The following MMP16 variants were observed in gnomAD, a reference collection of about 807,000 sequenced individuals.
MMP16 encodes matrix metalloproteinase-16.
In MMP16, 12 loss-of-function variants were observed where a neutral mutation model predicts 67.8. That is an observed-to-expected ratio of 0.18 (90% confidence interval 0.11 to 0.29). MMP16 has a LOEUF of 0.29. Ranked by LOEUF, MMP16 falls within the 10% of genes least tolerant of loss-of-function variation. MMP16 has a pLI of 1.00. For synonymous variants in MMP16, 249 were observed against 255.9 expected (o/e 0.97, Z 0.26); for missense variants, 475 against 765.7 (o/e 0.62, Z 4.48).
At chr8:88,187,781 A>G (rs943023849) in intron 2 of MMP16, among the ~76,000 whole-genome samples, 3 of 152,222 alleles carry the variant, frequency 2.0e-5, no homozygotes, top group Non-Finnish European at 4.4e-5. Flanking sequence ...GAAAACATTA[A>G]AAGATTCTGC....
chr8:88,325,364 C>T (rs940426641), intron 1 of MMP16, among the ~76,000 whole-genome samples: 17 of 152,130 alleles, frequency 1.1e-4, no homozygotes, highest in African/African-American at 4.1e-4. Flanking sequence ...TTTCCTAAAG[C>T]AGGTAACCAT....
In MMP16 at chr8:88,327,126, A is replaced by G; in HGVS notation, c.81T>C (p.Leu27=). 6.2e-7 allele frequency: 1 copy of G among 1,614,036 alleles called. No homozygotes were observed. The highest frequency in any genetic ancestry group is 8.5e-7 in the Non-Finnish European group (1 of 1,179,998). ...CGCAGACTGTAGCACATAAAATCCA[A>G]AGCAAGGTTTGCAAGAAAAACACCC... ...HSGVFFLQTL[L]WILCATVCGT... is the part of the protein sequence containing the mutation. The change falls in exon 1 of 10, where the codon CTT becomes CTC. Residue 27 remains leucine (L), a synonymous_variant. Coordinates refer to ENST00000286614, the MANE Select transcript of MMP16 (RefSeq NM_005941.5).
chr8:88,238,030 C>T (rs1809971885), intron 1 of MMP16, among the ~76,000 whole-genome samples: 1 of 152,156 alleles, frequency 6.6e-6, no homozygotes, highest in Non-Finnish European at 1.5e-5. Context: ...AGAAAAATTA[C>T]TTATAAAGTG....
At chr8:88,220,664 T>A (rs1809667758) in intron 1 of MMP16, among the ~76,000 whole-genome samples, 1 of 152,042 alleles carries the variant, frequency 6.6e-6, no homozygotes, top group African/African-American at 2.4e-5. Flanking sequence ...CTTAGAGACA[T>A]AATTATCTGT....
chr8:88,284,689 G>A (rs561574900), intron 1 of MMP16, among the ~76,000 whole-genome samples: 2 of 152,264 alleles, frequency 1.3e-5, no homozygotes, highest in Admixed American at 6.5e-5. Context: ...TACTCACCAT[G>A]TACACATTCG....
chr8:88,098,470 C>T (rs766091518), intron 6 of MMP16, among the ~76,000 whole-genome samples: 8 of 151,952 alleles, frequency 5.3e-5, no homozygotes, highest in Non-Finnish European at 1.0e-4. Context: ...GTGTCATCAG[C>T]CCCTTCCCTA....
At chr8:88,104,335 T>C (rs1398711572) in intron 6 of MMP16, among the ~76,000 whole-genome samples, 2 of 151,736 alleles carry the variant, frequency 1.3e-5, no homozygotes, top group African/African-American at 4.8e-5. Context: ...GTTTCATATA[T>C]TCTTCATAAT....
chr8:88,235,526 G>A (rs1809927134), intron 1 of MMP16, among the ~76,000 whole-genome samples: 1 of 152,052 alleles, frequency 6.6e-6, no homozygotes, highest in Non-Finnish European at 1.5e-5. Flanking sequence ...ATAGTACAGG[G>A]TTTGATTTTG....
chr8:88,212,157 G>A (rs1809522627), intron 1 of MMP16, among the ~76,000 whole-genome samples: 2 of 151,340 alleles, frequency 1.3e-5, no homozygotes, highest in African/African-American at 4.9e-5. Flanking sequence ...TAGATGGCTT[G>A]CTGAATAATT....
chr8:88,316,292 T>C (rs931993594), intron 1 of MMP16, among the ~76,000 whole-genome samples: 2 of 152,120 alleles, frequency 1.3e-5, no homozygotes, highest in African/African-American at 2.4e-5. Context: ...CAGCCTTATA[T>C]TGGAAGAAGA....
intron 1 of MMP16, among the ~76,000 whole-genome samples, chr8:88,296,959 T>A (rs749580631): frequency 9.9e-5 from 15 of 151,846 alleles, no homozygotes; most frequent in Non-Finnish European, 1.9e-4. Flanking sequence ...AAAAGCAAAT[T>A]CAAAATTCAA....
intron 1 of MMP16, among the ~76,000 whole-genome samples, chr8:88,301,793 A>C (rs28986472): frequency 6.6e-6 from 1 of 152,364 alleles, no homozygotes; most frequent in African/African-American, 2.4e-5. Flanking sequence ...ATTTGGTAAT[A>C]TCCTAATATT....
At chr8:88,226,809 C>T (rs1809777288) in intron 1 of MMP16, among the ~76,000 whole-genome samples, 1 of 151,406 alleles carries the variant, frequency 6.6e-6, no homozygotes, top group East Asian at 1.9e-4. Context: ...CAACTCAGTC[C>T]CTGGTAAAAC....
chr8:88,198,589 G>A (rs1809292963), intron 1 of MMP16, among the ~76,000 whole-genome samples: 3 of 151,876 alleles, frequency 2.0e-5, no homozygotes, highest in South Asian at 2.1e-4. Context: ...TTCACCAAAA[G>A]AAACTGGTAT....
At chr8:88,264,752 G>A (rs1466773973) in intron 1 of MMP16, among the ~76,000 whole-genome samples, 2 of 152,194 alleles carry the variant, frequency 1.3e-5, no homozygotes, top group African/African-American at 4.8e-5. Context: ...GCACTGACCA[G>A]TCATCATTAC....
chr8:88,289,271 A>G (rs1272930258), intron 1 of MMP16, among the ~76,000 whole-genome samples: 1 of 152,238 alleles, frequency 6.6e-6, no homozygotes, highest in Non-Finnish European at 1.5e-5. Context: ...TAGGTTGCAG[A>G]AACACAGACA....
intron 1 of MMP16, among the ~76,000 whole-genome samples, chr8:88,301,764 A>C (rs1811103141): frequency 1.3e-5 from 2 of 152,180 alleles, no homozygotes; most frequent in Non-Finnish European, 2.9e-5. Flanking sequence ...GAATTTGTTG[A>C]AGTTTGAATT....
chr8:88,107,180 G>A (rs933063067), intron 6 of MMP16, among the ~76,000 whole-genome samples: 1 of 150,990 alleles, frequency 6.6e-6, no homozygotes, highest in Non-Finnish European at 1.5e-5. Context: ...ATAACAGTAA[G>A]TTTTAAAATC....
At chr8:88,315,188 G>A (rs1811357870) in intron 1 of MMP16, among the ~76,000 whole-genome samples, 1 of 152,118 alleles carries the variant, frequency 6.6e-6, no homozygotes, top group African/African-American at 2.4e-5. Flanking sequence ...ACAAAATGAA[G>A]GTTTGTGACA....
Sources: allele counts gnomAD v4.1 joint callset (sites outside exome capture counted in the v4.1 genomes callset), GRCh38; gene constraint gnomAD v4.1.1; transcripts MANE v1.5; gene names NCBI Gene and HGNC (gene_info 2026-07-23, HGNC 2026-07-21).